Variants in FGF14 observed in about 807,000 individuals in gnomAD.
The protein encoded by FGF14 is fibroblast growth factor 14.
FGF14 carries 5 observed loss-of-function variants against 25.5 expected under a neutral mutation model. The observed-to-expected ratio is 0.20, with a 90% CI of 0.10 to 0.41. The LOEUF (loss-of-function observed/expected upper bound fraction) is 0.41. Among genes scored for constraint, FGF14 ranks in the 10% least tolerant of loss-of-function variants. The pLI is 1.00. For missense variants in FGF14, 222 were observed against 320.1 expected (o/e 0.69, Z 2.34); for synonymous variants, 138 against 118.3 (o/e 1.17, Z -1.08).
chr13:101,939,161 A>T (rs147458174), intron 1 of FGF14, among the ~76,000 whole-genome samples: 45 of 152,330 alleles, frequency 3.0e-4, no homozygotes, highest in African/African-American at 1.0e-3. Flanking sequence ...TTGAGGATGG[A>T]AAAACCTATA....
chr13:101,888,577 T>C (rs2046111531), intron 1 of FGF14, among the ~76,000 whole-genome samples: 2 of 152,176 alleles, frequency 1.3e-5, no homozygotes. Flanking sequence ...AAATAATTTT[T>C]AATCAAGCTT....
intron 1 of FGF14, among the ~76,000 whole-genome samples, chr13:102,160,426 G>T (rs907030563): frequency 6.6e-6 from 1 of 152,156 alleles, no homozygotes; most frequent in African/African-American, 2.4e-5. Context: ...GGGCTGCTAC[G>T]TCCACTACTG....
chr13:101,829,945 T>C (rs1174817598), intron 3 of FGF14, among the ~76,000 whole-genome samples: 1 of 152,096 alleles, frequency 6.6e-6, no homozygotes, highest in African/African-American at 2.4e-5. Flanking sequence ...CTTAGAATCA[T>C]AGGCTTCAAA....
chr13:101,976,644 C>T (rs1177440914), intron 1 of FGF14, among the ~76,000 whole-genome samples: 1 of 152,166 alleles, frequency 6.6e-6, no homozygotes, highest in Admixed American at 6.5e-5. Context: ...CTTCTTAAAT[C>T]TTAGAATCAG....
rs944187887 is a variant in FGF14 at position 102,401,536 on chromosome 13, C to G, written c.143G>C (p.Ser48Thr). ...ACACTGCAGCATATGCGTTCCTTTG[C>G]TGAAAATGTTCCAAAGAAACCACAT... Residue 48 changes from serine to threonine, a missense_variant, in exon 1 of 5, where the codon AGC becomes ACC. Ser to Thr is a moderately conservative substitution (Grantham distance 58). Coordinates refer to the FGF14 transcript ENST00000376131. 4 of 1,614,038 alleles carry G rather than the reference C, an allele frequency of 2.5e-6. No homozygotes were observed. In the African/African-American group the frequency reaches 4.0e-5, roughly 16 times the overall value.
At chr13:102,276,702 A>C (rs183903852) in intron 1 of FGF14, among the ~76,000 whole-genome samples, 2 of 152,066 alleles carry the variant, frequency 1.3e-5, no homozygotes, top group Non-Finnish European at 2.9e-5. Flanking sequence ...TTTGAGCCCT[A>C]ATGTTTTCAG....
At chr13:101,862,566 G>C (rs2044479276) in intron 3 of FGF14, among the ~76,000 whole-genome samples, 1 of 152,042 alleles carries the variant, frequency 6.6e-6, no homozygotes, top group Non-Finnish European at 1.5e-5. Context: ...CAGTTTACTA[G>C]CTGTATTTGT....
At chr13:102,175,537 C>A (rs1242180740) in intron 1 of FGF14, among the ~76,000 whole-genome samples, 4 of 151,992 alleles carry the variant, frequency 2.6e-5, no homozygotes, top group Non-Finnish European at 4.4e-5. Flanking sequence ...AGGACTATAT[C>A]CTCAAAAGCA....
exon 1 of FGF14, chr13:102,401,630 A>G: frequency 6.2e-7 from 1 of 1,614,164 alleles, no homozygotes. Context: ...TGGTTGCATA[A>G]TAATAATTTG....
At chr13:101,987,337 C>T (rs1324072971) in intron 1 of FGF14, among the ~76,000 whole-genome samples, 1 of 152,060 alleles carries the variant, frequency 6.6e-6, no homozygotes, top group African/African-American at 2.4e-5. Context: ...CACTGGTGCT[C>T]CTGCTCAGCA....
chr13:102,061,661 G>A (rs766676689), intron 1 of FGF14, among the ~76,000 whole-genome samples: 1 of 152,158 alleles, frequency 6.6e-6, no homozygotes, highest in Non-Finnish European at 1.5e-5. Flanking sequence ...TCTAAAACCT[G>A]GAGAGTCTTT....
intron 3 of FGF14, among the ~76,000 whole-genome samples, chr13:101,773,157 T>C (rs2038885672): frequency 6.6e-6 from 1 of 152,090 alleles, no homozygotes; most frequent in South Asian, 2.1e-4. Context: ...ATTCTGCATT[T>C]TCTTCTCTCC....
chr13:102,160,462 A>G (rs2047570847), intron 1 of FGF14, among the ~76,000 whole-genome samples: 1 of 152,116 alleles, frequency 6.6e-6, no homozygotes. Flanking sequence ...TGATCTTCTC[A>G]CACACCCGGC....
chr13:101,915,902 T>C (rs535117577), intron 1 of FGF14, among the ~76,000 whole-genome samples: 25 of 152,322 alleles, frequency 1.6e-4, no homozygotes, highest in African/African-American at 6.0e-4. Flanking sequence ...CTCAGCGGAC[T>C]GGGCCATAGT....
chr13:102,140,052 C>CA (rs930956314), intron 1 of FGF14, among the ~76,000 whole-genome samples: 2 of 144,802 alleles, frequency 1.4e-5, no homozygotes, highest in Admixed American at 1.4e-4. Context: ...GACCCCCCCC[C>CA]CCCCTTACAG....
At chr13:101,797,094 A>G (rs1276435802) in intron 3 of FGF14, among the ~76,000 whole-genome samples, 5 of 152,152 alleles carry the variant, frequency 3.3e-5, no homozygotes, top group Non-Finnish European at 5.9e-5. Flanking sequence ...ATTTAAAATT[A>G]GAATTATAAT....
At chr13:102,206,014 A>T (rs2049901566) in intron 1 of FGF14, among the ~76,000 whole-genome samples, 1 of 78,716 alleles carries the variant, frequency 1.3e-5, no homozygotes, top group African/African-American at 6.5e-5. Flanking sequence ...AAAAAAAAAA[A>T]AAAAAAAAAA....
intron 1 of FGF14, among the ~76,000 whole-genome samples, chr13:101,963,746 T>C (rs1057333690): frequency 1.3e-5 from 2 of 152,230 alleles, no homozygotes; most frequent in Non-Finnish European, 2.9e-5. Flanking sequence ...ACTTTATTAT[T>C]ATCCAACAAA....
chr13:102,049,015 C>A (rs997282645), intron 1 of FGF14, among the ~76,000 whole-genome samples: 1 of 151,712 alleles, frequency 6.6e-6, no homozygotes, highest in Admixed American at 6.6e-5. Flanking sequence ...CAAGAAAGGG[C>A]AAAAATTATG....
Sources: allele counts gnomAD v4.1 joint callset (sites outside exome capture counted in the v4.1 genomes callset), GRCh38; gene constraint gnomAD v4.1.1; transcripts MANE v1.5; gene names NCBI Gene and HGNC (gene_info 2026-07-23, HGNC 2026-07-21).